Variants in BMPR1A observed in about 807,000 individuals in gnomAD.
BMPR1A encodes the protein bone morphogenetic protein receptor type 1A.
In BMPR1A, 7 loss-of-function variants were observed where a neutral mutation model predicts 66.0. That is an observed-to-expected ratio of 0.11 (90% CI 0.06 to 0.20). The LOEUF (loss-of-function observed/expected upper bound fraction) is 0.20, where lower values mean the gene tolerates loss of function less well. BMPR1A is among the 10% of genes least tolerant of loss of function. The probability of loss-of-function intolerance (pLI) is 1.00; values close to 1 mark genes in which losing one functional copy is unlikely to be tolerated. For missense variants in BMPR1A, 408 were observed against 669.1 expected, an observed-to-expected ratio of 0.61 and a Z score of 4.31; for synonymous variants, 200 against 229.7, an observed-to-expected ratio of 0.87 and a Z score of 1.17.
At position 86,912,243 on chromosome 10, in the gene BMPR1A, T is replaced by G. The variant is rs2133543547; in HGVS notation, c.534T>G (p.His178Gln). The change falls in exon 8 of 13, where the codon CAT (histidine) becomes CAG (glutamine). Residue 178 changes from histidine to glutamine, a missense_variant. By Grantham distance (24) the His-to-Gln change is conservative. Coordinates refer to ENST00000372037, the MANE Select transcript of BMPR1A (RefSeq NM_004329.3). ...IIFSSCFCYK[H>Q]YCKSISSRRR... ...TTGTTTTCTGCTTTTTTAAAAGACA[T>G]TATTGCAAGAGCATCTCAAGCAGAC... 3 of 1,613,284 alleles carry G rather than the reference T, an allele frequency of 1.9e-6. No homozygotes were observed. Among genetic ancestry groups the G allele is most frequent in the Non-Finnish European group, 2.5e-6 (3 of 1,179,838 alleles).
At chr10:86,921,466 T>C in intron 10 of BMPR1A, 54 bp from the exon 11 acceptor site, 2 of 1,604,202 alleles carry the variant, frequency 1.2e-6, no homozygotes, top group Non-Finnish European at 1.7e-6. Context: ...AAATACAAGA[T>C]AAACTATTTT....
At chr10:86,796,949 C>A (rs1290424790) in intron 1 of BMPR1A, among the ~76,000 whole-genome samples, 1 of 151,976 alleles carries the variant, frequency 6.6e-6, no homozygotes, top group Non-Finnish European at 1.5e-5. Context: ...TGCTTTAGTT[C>A]TAATTTATTC....
chr10:86,773,676 A>G (rs1841301830), intron 1 of BMPR1A, among the ~76,000 whole-genome samples: 1 of 151,814 alleles, frequency 6.6e-6, no homozygotes, highest in Non-Finnish European at 1.5e-5. Context: ...GCTAGAAAGA[A>G]TGGAATCTAA....
intron 1 of BMPR1A, among the ~76,000 whole-genome samples, chr10:86,766,940 C>T (rs543502287): frequency 1.3e-5 from 2 of 151,964 alleles, no homozygotes; most frequent in African/African-American, 4.8e-5. Context: ...TCTCCTGACT[C>T]AGCCTCCGGA....
rs559637453 is a variant in BMPR1A at position 86,885,509 on chromosome 10, A to G, written c.68-4553A>G. On this transcript the variant is annotated intron_variant, in intron 3 of 12. Transcript: ENST00000372037. The stretch of plus-strand genomic sequence containing the variant: ...TGTGACTAGTGTGGGTGAGAAACTG[A>G]TTTTTAATTTTACTTCATTTTAATT... Among the ~76,000 whole-genome samples, 337 of 152,276 alleles carry G rather than the reference A, an allele frequency of 2.2e-3. 1 individual carries two copies. Among genetic ancestry groups the G allele is most frequent in the Non-Finnish European group, 3.9e-3 (265 of 68,020 alleles).
intron 1 of BMPR1A, among the ~76,000 whole-genome samples, chr10:86,790,223 ATATATATATATATC>A (rs1564685653): frequency 3.2e-5 from 3 of 93,076 alleles, no homozygotes; most frequent in South Asian, 3.9e-4. Flanking sequence ...ATATATATAT[ATATATATATATATC>A]AAAACCACAA....
At chr10:86,799,978 T>G (rs1210586097) in intron 1 of BMPR1A, among the ~76,000 whole-genome samples, 6 of 152,150 alleles carry the variant, frequency 3.9e-5, no homozygotes, top group Non-Finnish European at 8.8e-5. Flanking sequence ...TATCTCTGCT[T>G]GGAGGGAAGA....
chr10:86,794,735 T>A lies in BMPR1A; in HGVS notation c.-268+37816T>A, dbSNP rs915907107. 2.0e-5 allele frequency among the ~76,000 whole-genome samples: 3 copies of A among 151,934 alleles called. No individual in the cohort carries two copies. The East Asian group carries it at 5.8e-4, about 29-fold the overall frequency. ...ATTTCCTTTATTAAATTATGGTAAA[T>A]GAAAAGATAATATGAGAATTAAAAG... On this transcript the variant is annotated intron_variant, in intron 1 of 12. Coordinates refer to ENST00000372037, the MANE Select transcript of BMPR1A (RefSeq NM_004329.3).
At chr10:86,769,330 G>A (rs976159894) in intron 1 of BMPR1A, among the ~76,000 whole-genome samples, 2 of 152,178 alleles carry the variant, frequency 1.3e-5, no homozygotes, top group Non-Finnish European at 2.9e-5. Flanking sequence ...GATCACTTGA[G>A]GCCAGGATTT....
intron 1 of BMPR1A, among the ~76,000 whole-genome samples, chr10:86,807,879 G>T (rs796570513): frequency 4.6e-5 from 7 of 152,216 alleles, no homozygotes; most frequent in African/African-American, 1.7e-4. Flanking sequence ...CAGTTTTCCT[G>T]CTTTAGCCTC....
chr10:86,824,662 C>T (rs1313863906), intron 1 of BMPR1A, among the ~76,000 whole-genome samples: 1 of 152,090 alleles, frequency 6.6e-6, no homozygotes, highest in Non-Finnish European at 1.5e-5. Context: ...ATTTTATTTT[C>T]TGTAACTTCT....
At chr10:86,856,260 T>G (rs1178746233) in intron 2 of BMPR1A, 4 of 520,726 alleles carry the variant, frequency 7.7e-6, no homozygotes, top group Non-Finnish European at 1.5e-5. Flanking sequence ...TCTTCTTGTT[T>G]CAAAGTACTT....
chr10:86,853,593 T>G (rs1334571991), intron 2 of BMPR1A, among the ~76,000 whole-genome samples: 2 of 146,080 alleles, frequency 1.4e-5, no homozygotes, highest in East Asian at 7.0e-4. Flanking sequence ...CTTTTCTATT[T>G]TCCGTAAGTG....
chr10:86,757,703 T>C (rs1368456196), intron 1 of BMPR1A, among the ~76,000 whole-genome samples: 1 of 152,220 alleles, frequency 6.6e-6, no homozygotes, highest in Non-Finnish European at 1.5e-5. Context: ...TCAGAGTACA[T>C]AGTATGAACT....
chr10:86,770,578 G>A lies in BMPR1A; in HGVS notation c.-268+13659G>A, dbSNP rs117319116. 9.5e-3 allele frequency among the ~76,000 whole-genome samples: 1,454 copies of A among 152,274 alleles called. 17 individuals carry two copies. The highest frequency in any genetic ancestry group is 0.017 in the Non-Finnish European group (1,159 of 68,024). ...AGTGTAGTCAGTATTAGCCAGGAAA[G>A]TGGCAACTGAGATAGCTACTCCAGT... is the stretch of plus-strand genomic sequence containing the variant. On this transcript the variant is annotated intron_variant, in intron 1 of 12. Transcript: ENST00000372037.
At chr10:86,881,416 A>G (rs781169386) in intron 3 of BMPR1A, among the ~76,000 whole-genome samples, 1 of 152,232 alleles carries the variant, frequency 6.6e-6, no homozygotes, top group Non-Finnish European at 1.5e-5. Context: ...ATGTATTCCA[A>G]GTCATAAAAA....
intron 1 of BMPR1A, among the ~76,000 whole-genome samples, chr10:86,764,057 C>T (rs1486593887): frequency 6.6e-6 from 1 of 152,168 alleles, no homozygotes; most frequent in African/African-American, 2.4e-5. Flanking sequence ...TCCCAAAGTG[C>T]TGGGATTACA....
At chr10:86,840,730 C>T (rs766552746) in intron 2 of BMPR1A, among the ~76,000 whole-genome samples, 1 of 152,148 alleles carries the variant, frequency 6.6e-6, no homozygotes, top group Non-Finnish European at 1.5e-5. Flanking sequence ...CGCTATTTCT[C>T]CTTCTGTTAA....
chr10:86,926,004 T>C lies in BMPR1A; in HGVS notation c.*2285T>C, dbSNP rs1843736521. On this transcript the variant is annotated 3_prime_UTR_variant, in exon 13 of 13. Transcript: ENST00000372037. ...GGCCTCCCAAAGTTCATTTGTCATCTTAATAAAAATATAAAGACAGGCAAA... is the reference window on the plus strand; with the variant it reads ...GGCCTCCCAAAGTTCATTTGTCATCCTAATAAAAATATAAAGACAGGCAAA... 1 of 171,552 alleles carries C rather than the reference T, an allele frequency of 5.8e-6. No homozygotes were observed. The highest frequency in any genetic ancestry group is 2.4e-5 in the African/African-American group (1 of 42,030). 10.6% of individuals were successfully genotyped at this position (171,552 alleles called of 1,614,324 possible).
Sources: gnomAD v4.1 joint callset for allele counts (sites outside exome capture counted in the v4.1 genomes callset) on GRCh38, gnomAD v4.1.1 for gene constraint, MANE v1.5 for transcripts, NCBI Gene and HGNC (gene_info 2026-07-23, HGNC 2026-07-21) for gene names.